The following DYM variants were observed in gnomAD, a reference collection of about 807,000 sequenced individuals.
DYM encodes dymeclin, also known as dyggve-Melchior-Clausen syndrome protein.
DYM carries 78 observed loss-of-function variants against 93.1 expected under a neutral mutation model. The ratio of observed to expected loss-of-function variants is 0.84; its 90% CI spans 0.70 to 1.01. DYM has a LOEUF of 1.01. Ranked by LOEUF, DYM falls within the 50% of genes least tolerant of loss-of-function variation. DYM has a pLI of 0.00. For synonymous variants in DYM, 321 were observed against 319.7 expected, an observed-to-expected ratio of 1.00 and a Z score of -0.04; for missense variants, 789 against 845.0, an observed-to-expected ratio of 0.93 and a Z score of 0.82.
intron 14 of DYM, among the ~76,000 whole-genome samples, chr18:49,199,717 G>A (rs1217111312): frequency 6.6e-6 from 1 of 152,166 alleles, no homozygotes; most frequent in African/African-American, 2.4e-5. Flanking sequence ...CAGATTAAGT[G>A]AATAGCATAT....
At chr18:49,044,333 A>G in intron 17 of DYM, 129 bp from the exon 18 acceptor site, 2 of 960,152 alleles carry the variant, frequency 2.1e-6, no homozygotes, top group East Asian at 4.8e-5. Flanking sequence ...ACAGGGCATG[A>G]AAGCTCTGGG....
At chr18:49,097,192 A>G in intron 17 of DYM, 1 of 607,722 alleles carries the variant, frequency 1.6e-6, no homozygotes, top group Middle Eastern at 4.4e-4. Flanking sequence ...ATTATAGTGC[A>G]TGCCATGGCT....
intron 15 of DYM, among the ~76,000 whole-genome samples, chr18:49,137,763 A>T (rs967954749): frequency 3.3e-5 from 5 of 152,236 alleles, no homozygotes; most frequent in African/African-American, 1.2e-4. Flanking sequence ...CACCAGTTCC[A>T]GTGGGACAGA....
intron 8 of DYM, among the ~76,000 whole-genome samples, chr18:49,307,599 C>T (rs2061344724): frequency 6.6e-6 from 1 of 152,200 alleles, no homozygotes; most frequent in Non-Finnish European, 1.5e-5. Context: ...CACACCTCAT[C>T]TGAGTAAAAC....
intron 8 of DYM, among the ~76,000 whole-genome samples, chr18:49,327,295 G>A (rs949106932): frequency 6.6e-6 from 1 of 151,938 alleles, no homozygotes; most frequent in Admixed American, 6.6e-5. Context: ...TTGAGCAGGG[G>A]TTGTGGGTAG....
intron 11 of DYM, among the ~76,000 whole-genome samples, chr18:49,267,183 A>G (rs2094583915): frequency 7.1e-6 from 1 of 141,588 alleles, no homozygotes; most frequent in Non-Finnish European, 1.6e-5. Flanking sequence ...TAGTACAGAC[A>G]TTAAAAGGTA....
At chr18:49,084,939 T>C (rs189117592) in intron 17 of DYM, among the ~76,000 whole-genome samples, 4 of 152,312 alleles carry the variant, frequency 2.6e-5, no homozygotes, top group African/African-American at 7.2e-5. Context: ...AGAGGGTATA[T>C]TGGGACTTCT....
chr18:49,209,306 A>C (rs914669471), intron 14 of DYM, among the ~76,000 whole-genome samples: 2 of 152,214 alleles, frequency 1.3e-5, no homozygotes, highest in African/African-American at 4.8e-5. Flanking sequence ...AGTTCTGGCA[A>C]GTTTATATAG....
At chr18:49,397,087 G>A (rs979375981) in intron 2 of DYM, among the ~76,000 whole-genome samples, 10 of 152,160 alleles carry the variant, frequency 6.6e-5, no homozygotes, top group African/African-American at 2.4e-4. Context: ...AATAACAAGT[G>A]TTTGAGGTGA....
intron 6 of DYM, among the ~76,000 whole-genome samples, chr18:49,344,003 T>C (rs1238777842): frequency 6.6e-6 from 1 of 151,636 alleles, no homozygotes; most frequent in Admixed American, 6.6e-5. Context: ...ACAGAACTAG[T>C]AGTAACAACA....
Position 49,194,081 on chromosome 18 carries a change from T to C in DYM, c.1625+15470A>G, listed in dbSNP as rs375224268. On this transcript the variant is annotated intron_variant, in intron 14 of 17. Transcript: ENST00000675505. ...GAGTGGGTGGAATCACTTTTCTCCA[T>C]ATACGGAAACCCTGTATGTTTAAGT... Among the ~76,000 whole-genome samples the C allele has an allele frequency of 3.9e-5, 6 of 152,326 alleles. No homozygotes were observed. The South Asian group carries it at 8.3e-4, about 21-fold the overall frequency.
chr18:49,199,508 T>C (rs895808361), intron 14 of DYM, among the ~76,000 whole-genome samples: 2 of 152,164 alleles, frequency 1.3e-5, no homozygotes, highest in African/African-American at 2.4e-5. Flanking sequence ...TTATGGAAAA[T>C]AGAATAGGCT....
At chr18:49,376,612 T>C (rs1198775807) in intron 5 of DYM, among the ~76,000 whole-genome samples, 4 of 152,202 alleles carry the variant, frequency 2.6e-5, no homozygotes, top group Non-Finnish European at 4.4e-5. Context: ...GAGGCAGTAG[T>C]TTCCTGCCCT....
intron 8 of DYM, among the ~76,000 whole-genome samples, chr18:49,300,554 T>C (rs1465020923): frequency 6.6e-6 from 1 of 151,944 alleles, no homozygotes; most frequent in East Asian, 1.9e-4. Flanking sequence ...AAGTTGATGT[T>C]CGTGCCACTG....
chr18:49,415,801 C>T (rs531926312), intron 2 of DYM, among the ~76,000 whole-genome samples: 89 of 151,998 alleles, frequency 5.9e-4, no homozygotes, highest in Middle Eastern at 3.4e-3. Context: ...GTGGCATGTG[C>T]CTGTAATCCC....
intron 17 of DYM, among the ~76,000 whole-genome samples, chr18:49,055,707 G>T (rs2075410484): frequency 6.6e-6 from 1 of 152,316 alleles, no homozygotes; most frequent in Non-Finnish European, 1.5e-5. Flanking sequence ...AAATGCCGAG[G>T]GCCAAATGGG....
At chr18:49,325,767 T>TA (rs2062835671) in intron 8 of DYM, among the ~76,000 whole-genome samples, 1 of 152,200 alleles carries the variant, frequency 6.6e-6, no homozygotes, top group Non-Finnish European at 1.5e-5. Flanking sequence ...TCAGGGAAGT[T>TA]AGAGTTCCAA....
intron 16 of DYM, among the ~76,000 whole-genome samples, chr18:49,115,566 G>T (rs1028919127): frequency 6.6e-6 from 1 of 152,126 alleles, no homozygotes; most frequent in Admixed American, 6.5e-5. Flanking sequence ...AGAACAGATG[G>T]GATAGAGGAC....
intron 15 of DYM, among the ~76,000 whole-genome samples, chr18:49,152,277 C>T (rs1421054993): frequency 3.3e-5 from 5 of 152,114 alleles, no homozygotes; most frequent in African/African-American, 7.2e-5. Context: ...GTGTTTCATT[C>T]GATCCTTCAG....
Sources: allele counts gnomAD v4.1 joint callset (sites outside exome capture counted in the v4.1 genomes callset), GRCh38; gene constraint gnomAD v4.1.1; transcripts MANE v1.5; gene names NCBI Gene and HGNC (gene_info 2026-07-23, HGNC 2026-07-21).